The following ASIC2 variants were observed in gnomAD, a reference collection of about 807,000 sequenced individuals.
The protein encoded by ASIC2 is acid-sensing ion channel 2.
A neutral mutation model predicts 57.3 loss-of-function variants in ASIC2; 25 were observed. The ratio of observed to expected loss-of-function variants is 0.44; its 90% CI spans 0.32 to 0.61. ASIC2 has a LOEUF of 0.61. Among genes scored for constraint, ASIC2 ranks in the 20% least tolerant of loss-of-function variants. ASIC2 has a pLI of 0.06. For synonymous variants in ASIC2, 319 were observed against 307.5 expected (o/e 1.04, Z -0.39); for missense variants, 641 against 738.1 (o/e 0.87, Z 1.52).
At chr17:33,247,959 C>A (rs1209259014) in intron 1 of ASIC2, among the ~76,000 whole-genome samples, 1 of 152,074 alleles carries the variant, frequency 6.6e-6, no homozygotes, top group African/African-American at 2.4e-5. Flanking sequence ...CATAATAAAA[C>A]AGAATATATT....
At chr17:33,383,826 C>T (rs1376930571) in intron 1 of ASIC2, among the ~76,000 whole-genome samples, 1 of 152,144 alleles carries the variant, frequency 6.6e-6, no homozygotes, top group Non-Finnish European at 1.5e-5. Context: ...TAAGCTGGAA[C>T]AAAGGGTCAA....
chr17:33,739,862 AAAG>A (rs1324789646), intron 1 of ASIC2, among the ~76,000 whole-genome samples: 4 of 151,622 alleles, frequency 2.6e-5, no homozygotes, highest in African/African-American at 7.3e-5. Context: ...AGAAAGAAAA[AAAG>A]AAGGAAGGAA....
At chr17:33,140,137 T>C (rs2092381816) in intron 1 of ASIC2, among the ~76,000 whole-genome samples, 1 of 152,342 alleles carries the variant, frequency 6.6e-6, no homozygotes, top group Admixed American at 6.5e-5. Context: ...GGCCCAGGAA[T>C]CTGGGCTTTA....
At chr17:33,596,859 G>A (rs1216551540) in intron 1 of ASIC2, among the ~76,000 whole-genome samples, 1 of 152,234 alleles carries the variant, frequency 6.6e-6, no homozygotes, top group East Asian at 1.9e-4. Flanking sequence ...GCCAGAGCGG[G>A]TACATAGACT....
At chr17:33,704,170 T>C (rs1444580108) in intron 1 of ASIC2, among the ~76,000 whole-genome samples, 1 of 152,166 alleles carries the variant, frequency 6.6e-6, no homozygotes, top group East Asian at 1.9e-4. Flanking sequence ...AGCATTAGCA[T>C]TGTAATTGGA....
chr17:33,181,863 G>A (rs1032174409), intron 1 of ASIC2, among the ~76,000 whole-genome samples: 5 of 152,328 alleles, frequency 3.3e-5, no homozygotes, highest in African/African-American at 1.2e-4. Context: ...CAGCCTGCTT[G>A]ACGAAGGGCA....
intron 1 of ASIC2, among the ~76,000 whole-genome samples, chr17:33,578,675 C>T (rs537612259): frequency 1.6e-4 from 25 of 152,192 alleles, no homozygotes; most frequent in Admixed American, 1.6e-3. Context: ...CTTCACTCCC[C>T]CCTCCTCTTC....
chr17:33,650,068 A>G (rs1224346658), intron 1 of ASIC2, among the ~76,000 whole-genome samples: 1 of 152,214 alleles, frequency 6.6e-6, no homozygotes, highest in Non-Finnish European at 1.5e-5. Flanking sequence ...AAATGAGAGG[A>G]AATACTTTCA....
chr17:33,313,709 T>G (rs1205838363), intron 1 of ASIC2, among the ~76,000 whole-genome samples: 4 of 152,168 alleles, frequency 2.6e-5, no homozygotes, highest in Non-Finnish European at 5.9e-5. Flanking sequence ...ATTGAATCTC[T>G]GCTCTCATAT....
At chr17:33,091,753 C>T (rs1440940527) in intron 2 of ASIC2, among the ~76,000 whole-genome samples, 1 of 152,160 alleles carries the variant, frequency 6.6e-6, no homozygotes, top group Non-Finnish European at 1.5e-5. Context: ...GCTGGATGGA[C>T]ATGAGTGGGA....
At chr17:34,009,217 G>A (rs760467610) in intron 1 of ASIC2, among the ~76,000 whole-genome samples, 9 of 152,156 alleles carry the variant, frequency 5.9e-5, no homozygotes, top group East Asian at 1.9e-4. Context: ...CCCTCACTCC[G>A]CAGATGGAGA....
chr17:33,116,578 G>A (rs1410069023), intron 1 of ASIC2, among the ~76,000 whole-genome samples: 4 of 152,098 alleles, frequency 2.6e-5, no homozygotes, highest in Admixed American at 2.0e-4. Context: ...GGATTGGTCT[G>A]TAAGAATTAA....
chr17:33,521,897 G>T (rs997665806), intron 1 of ASIC2, among the ~76,000 whole-genome samples: 18 of 152,302 alleles, frequency 1.2e-4, no homozygotes, highest in African/African-American at 4.3e-4. Flanking sequence ...TGGCAGGCAG[G>T]CCCCTTCCCC....
At chr17:33,068,077 A>C (rs1048756170) in intron 3 of ASIC2, among the ~76,000 whole-genome samples, 4 of 152,082 alleles carry the variant, frequency 2.6e-5, no homozygotes, top group Admixed American at 2.0e-4. Context: ...GACAACCCAG[A>C]GAGTGCAACG....
chr17:33,267,669 G>T (rs374923586), intron 1 of ASIC2, among the ~76,000 whole-genome samples: 2 of 152,348 alleles, frequency 1.3e-5, no homozygotes, highest in East Asian at 3.9e-4. Flanking sequence ...AGGGCAACTG[G>T]AGTTCAGGGA....
chr17:34,128,073 T>C (rs1038848501), intron 1 of ASIC2, among the ~76,000 whole-genome samples: 1 of 152,106 alleles, frequency 6.6e-6, no homozygotes, highest in African/African-American at 2.4e-5. Flanking sequence ...GCCTAACACC[T>C]TGTACAATCT....
intron 1 of ASIC2, among the ~76,000 whole-genome samples, chr17:33,883,566 C>A (rs1914755438): frequency 6.6e-6 from 1 of 152,206 alleles, no homozygotes. Context: ...CACTCCCACA[C>A]AGATGAACTC....
intron 1 of ASIC2, among the ~76,000 whole-genome samples, chr17:33,172,057 CTG>C (rs1905541898): frequency 1.3e-5 from 2 of 152,200 alleles, no homozygotes; most frequent in Non-Finnish European, 2.9e-5. Context: ...TGATTAATGT[CTG>C]TGTCCTCCAC....
chr17:33,595,117 A>G (rs1018906709), intron 1 of ASIC2, among the ~76,000 whole-genome samples: 12 of 151,672 alleles, frequency 7.9e-5, no homozygotes, highest in Non-Finnish European at 1.5e-5. Context: ...TTCCACCTAC[A>G]TGGGAGGCTG....
Sources: allele counts gnomAD v4.1 joint callset (sites outside exome capture counted in the v4.1 genomes callset), GRCh38; gene constraint gnomAD v4.1.1; transcripts MANE v1.5; gene names NCBI Gene and HGNC (gene_info 2026-07-23, HGNC 2026-07-21).